HEMK2: variants seen among roughly 807,000 people sequenced by gnomAD.
HEMK2 encodes the protein methyltransferase HEMK2.
At chr21:28,877,954 A>G in the HEMK2 span, among the ~76,000 whole-genome samples, 2 of 152,182 alleles carry the variant, frequency 1.3e-5, no homozygotes, top group Middle Eastern at 6.3e-3. Context: ...ATACTTGAAT[A>G]TTAGGTTATA....
chr21:28,691,187 T>C, the HEMK2 span, among the ~76,000 whole-genome samples: 1 of 152,214 alleles, frequency 6.6e-6, no homozygotes, highest in Non-Finnish European at 1.5e-5. Flanking sequence ...ATTGGAATAC[T>C]CTTGTTAAAG....
At chr21:28,652,014 T>C in the HEMK2 span, among the ~76,000 whole-genome samples, 1 of 152,248 alleles carries the variant, frequency 6.6e-6, no homozygotes. Flanking sequence ...TGGATTTGAT[T>C]TGAATAGCTG....
At chr21:28,663,905 G>A in the HEMK2 span, among the ~76,000 whole-genome samples, 9 of 152,222 alleles carry the variant, frequency 5.9e-5, no homozygotes, top group Admixed American at 1.3e-4. Flanking sequence ...GTCCATCAGC[G>A]GGACATGTAG....
the HEMK2 span, among the ~76,000 whole-genome samples, chr21:28,664,571 A>G: frequency 6.6e-6 from 1 of 152,196 alleles, no homozygotes; most frequent in Non-Finnish European, 1.5e-5. Flanking sequence ...TATTGAAAGC[A>G]TGACTTTTTC....
the HEMK2 span, among the ~76,000 whole-genome samples, chr21:28,688,952 A>G: frequency 6.6e-6 from 1 of 152,200 alleles, no homozygotes; most frequent in Non-Finnish European, 1.5e-5. Flanking sequence ...ATATGCTGTC[A>G]GGCTACAATG....
At chr21:28,605,498 A>G in the HEMK2 span, among the ~76,000 whole-genome samples, 2 of 152,220 alleles carry the variant, frequency 1.3e-5, no homozygotes, top group Non-Finnish European at 2.9e-5. Flanking sequence ...TTAAGAATAA[A>G]GGCCATGGCA....
At chr21:28,737,112 G>A in the HEMK2 span, among the ~76,000 whole-genome samples, 1 of 152,054 alleles carries the variant, frequency 6.6e-6, no homozygotes, top group Non-Finnish European at 1.5e-5. Context: ...TTGGTTGGTT[G>A]GTTGGTTGGT....
the HEMK2 span, among the ~76,000 whole-genome samples, chr21:28,723,242 T>C: frequency 6.6e-6 from 1 of 152,158 alleles, no homozygotes; most frequent in African/African-American, 2.4e-5. Flanking sequence ...TCTCAAACTC[T>C]TGGCTTCAAA....
chr21:28,863,411 TATATATATATATATA>T, the HEMK2 span, among the ~76,000 whole-genome samples: 7 of 18,658 alleles, frequency 3.8e-4, no homozygotes, highest in South Asian at 1.6e-3. Flanking sequence ...AACTCCCTTT[TATATATATATATATA>T]TATATATATA....
At chr21:28,577,789 C>G in the HEMK2 span, among the ~76,000 whole-genome samples, 27 of 152,074 alleles carry the variant, frequency 1.8e-4, no homozygotes, top group Non-Finnish European at 2.8e-4. Flanking sequence ...AATCTGACAC[C>G]CCTACCCACA....
the HEMK2 span, among the ~76,000 whole-genome samples, chr21:28,615,807 G>A: frequency 6.6e-6 from 1 of 152,030 alleles, no homozygotes; most frequent in African/African-American, 2.4e-5. Flanking sequence ...GGTTCAAAAT[G>A]GAAAGGCTTA....
chr21:28,879,952 A>G, the HEMK2 span: 1 of 1,586,598 alleles, frequency 6.3e-7, no homozygotes, highest in Non-Finnish European at 8.6e-7. Context: ...CAAGCCTTTG[A>G]CCTAAATGTA....
the HEMK2 span, among the ~76,000 whole-genome samples, chr21:28,787,699 G>GA: frequency 2.6e-5 from 4 of 152,020 alleles, no homozygotes; most frequent in African/African-American, 9.7e-5. Context: ...ATCAAAAAAT[G>GA]AAAAAACAGT....
the HEMK2 span, among the ~76,000 whole-genome samples, chr21:28,877,978 G>A: frequency 1.3e-5 from 2 of 152,102 alleles, no homozygotes; most frequent in Non-Finnish European, 2.9e-5. Flanking sequence ...GGGGAAAAGA[G>A]AAGATAATAC....
the HEMK2 span, among the ~76,000 whole-genome samples, chr21:28,590,655 T>C: frequency 2.0e-5 from 3 of 152,350 alleles, no homozygotes; most frequent in African/African-American, 7.2e-5. Context: ...ATAAAGCATC[T>C]GCCAATTATG....
chr21:28,676,094 G>C, the HEMK2 span, among the ~76,000 whole-genome samples: 1 of 152,190 alleles, frequency 6.6e-6, no homozygotes, highest in Non-Finnish European at 1.5e-5. Context: ...TAGCAAGGTA[G>C]AATTTGAAGC....
At chr21:28,585,998 G>A in the HEMK2 span, among the ~76,000 whole-genome samples, 1 of 152,076 alleles carries the variant, frequency 6.6e-6, no homozygotes, top group African/African-American at 2.4e-5. Context: ...TTATAAGATG[G>A]CAGGATGCAC....
chr21:28,809,635 A>G, the HEMK2 span, among the ~76,000 whole-genome samples: 3 of 152,208 alleles, frequency 2.0e-5, no homozygotes. Flanking sequence ...ATCCTATAAG[A>G]ATGGCTTAAT....
the HEMK2 span, among the ~76,000 whole-genome samples, chr21:28,856,079 ATATAT>A: frequency 0.16 from 24,313 of 149,346 alleles, 2,377 homozygotes; most frequent in East Asian, 0.5. Context: ...TGTTAGAGTG[ATATAT>A]TATTTTATTT....
Sources: allele counts gnomAD v4.1 joint callset (sites outside exome capture counted in the v4.1 genomes callset), GRCh38; gene constraint gnomAD v4.1.1; transcripts MANE v1.5; gene names NCBI Gene and HGNC (gene_info 2026-07-23, HGNC 2026-07-21).